GABRA1: variants seen among roughly 807,000 people sequenced by gnomAD.
GABRA1 encodes gamma-aminobutyric acid type A receptor subunit alpha1.
A neutral mutation model predicts 48.9 loss-of-function variants in GABRA1; 9 were observed. The observed-to-expected ratio is 0.18, with a 90% CI of 0.11 to 0.32. GABRA1 has a LOEUF of 0.32. Among genes scored for constraint, GABRA1 ranks in the 10% least tolerant of loss-of-function variants. The probability of loss-of-function intolerance (pLI) is 1.00; values close to 1 mark genes in which losing one functional copy is unlikely to be tolerated. For missense variants in GABRA1, 285 were observed against 553.8 expected, an observed-to-expected ratio of 0.51 and a Z score of 4.87; for synonymous variants, 210 against 198.7, an observed-to-expected ratio of 1.06 and a Z score of -0.48.
In GABRA1 at chr5:161,883,620, A is replaced by G. The variant is rs1332624745; in HGVS notation, c.703+919A>G. On this transcript the variant is annotated intron_variant, in intron 7 of 9. Transcript: ENST00000393943. ...TATTTTTCCAAAATTATGTCTTTCA[A>G]AATTTAAGTTGACTTTATTCACTCT... 7.9e-5 allele frequency among the ~76,000 whole-genome samples: 12 copies of G among 152,298 alleles called. No individual in the cohort carries two copies. The East Asian group carries it at 1.7e-3, about 22-fold the overall frequency.
intron 4 of GABRA1, 178 bp from the exon 5 acceptor site, chr5:161,872,939 C>G (rs1015426020): frequency 4.9e-6 from 3 of 614,868 alleles, no homozygotes; most frequent in Admixed American, 5.7e-5. Flanking sequence ...AATCATTACA[C>G]CAACCAGTGA....
intron 9 of GABRA1, 142 bp from the exon 10 acceptor site, chr5:161,896,969 T>C: frequency 2.8e-6 from 2 of 711,000 alleles, no homozygotes; most frequent in South Asian, 1.8e-5. Flanking sequence ...TTTATTATAA[T>C]AAGACAGGCA....
chr5:161,864,245 C>T (rs1001074245), intron 3 of GABRA1, among the ~76,000 whole-genome samples: 9 of 151,792 alleles, frequency 5.9e-5, no homozygotes, highest in East Asian at 1.9e-4. Context: ...GGTACATGTG[C>T]GCATTGTGCA....
chr5:161,876,543 A>G (rs1490302201), intron 6 of GABRA1, among the ~76,000 whole-genome samples: 7 of 152,184 alleles, frequency 4.6e-5, no homozygotes, highest in Non-Finnish European at 1.0e-4. Context: ...GTGTAGGAAG[A>G]CAGAAAGTAA....
chr5:161,888,668 G>A (rs1399001445), intron 7 of GABRA1, among the ~76,000 whole-genome samples: 1 of 152,006 alleles, frequency 6.6e-6, no homozygotes, highest in Non-Finnish European at 1.5e-5. Flanking sequence ...CCCTGAGATG[G>A]TGAAGTGTAG....
chr5:161,884,374 C>T (rs1035352707), intron 7 of GABRA1, among the ~76,000 whole-genome samples: 1 of 152,056 alleles, frequency 6.6e-6, no homozygotes, highest in Non-Finnish European at 1.5e-5. Flanking sequence ...AGAAATTGAA[C>T]ACATAAACTG....
chr5:161,878,992 G>A (rs1457661645), intron 6 of GABRA1, among the ~76,000 whole-genome samples: 1 of 152,170 alleles, frequency 6.6e-6, no homozygotes, highest in African/African-American at 2.4e-5. Context: ...ACTCATAAAA[G>A]TGAAATGATA....
Position 161,850,773 on chromosome 5 carries a change from T to A in GABRA1, c.-15-23T>A, listed in dbSNP as rs534129599. 36 of 1,593,670 alleles carry A rather than the reference T, an allele frequency of 2.3e-5. No individual in the cohort carries two copies. Among genetic ancestry groups the A allele is most frequent in the East Asian group, 2.2e-4 (10 of 44,766 alleles). On this transcript the variant is annotated intron_variant, in intron 1 of 9. Coordinates refer to ENST00000393943, the MANE Select transcript of GABRA1 (RefSeq NM_001127644.2). ...TGATGTTTCTTGCTAGAGACATTGA[T>A]CTCTACTTATTCTACTTTTCAGCTG...
chr5:161,877,675 A>G (rs1376200236), intron 6 of GABRA1, among the ~76,000 whole-genome samples: 1 of 152,198 alleles, frequency 6.6e-6, no homozygotes, highest in African/African-American at 2.4e-5. Flanking sequence ...GGAAGTAAAT[A>G]TTTTTAATTG....
chr5:161,868,807 C>T (rs1376156718), intron 4 of GABRA1, among the ~76,000 whole-genome samples: 1 of 152,060 alleles, frequency 6.6e-6, no homozygotes, highest in East Asian at 1.9e-4. Context: ...TTCCATAAAC[C>T]AATGTTGGAG....
rs1165669366 is a variant in GABRA1, at chr5:161,898,005, T to C, written c.*583T>C. 1 of 151,552 alleles carries C rather than the reference T, an allele frequency of 6.6e-6. No homozygotes were observed. Among genetic ancestry groups the C allele is most frequent in the Non-Finnish European group, 1.5e-5 (1 of 67,956 alleles). 9.4% of individuals were successfully genotyped at this position (151,552 alleles called of 1,614,324 possible). On this transcript the variant is annotated 3_prime_UTR_variant, in exon 10 of 10. Coordinates refer to ENST00000393943, the MANE Select transcript of GABRA1 (RefSeq NM_001127644.2). Reference sequence around the variant, plus strand: ...TTTCTCTTTGAAAAAAAAAAAGGCCTAATGCATTATTTTGTCATAAAATGC... The same window carrying C: ...TTTCTCTTTGAAAAAAAAAAAGGCCCAATGCATTATTTTGTCATAAAATGC...
chr5:161,854,874 A>G (rs1757587322), intron 3 of GABRA1, among the ~76,000 whole-genome samples: 1 of 151,508 alleles, frequency 6.6e-6, no homozygotes. Flanking sequence ...AGAAGACAGC[A>G]CTTAATAACA....
chr5:161,868,678 G>A (rs764429606), intron 4 of GABRA1, among the ~76,000 whole-genome samples: 2 of 152,090 alleles, frequency 1.3e-5, no homozygotes, highest in African/African-American at 4.8e-5. Context: ...CAGAGTCAAT[G>A]TCCAATAGGA....
intron 7 of GABRA1, among the ~76,000 whole-genome samples, chr5:161,887,663 T>G (rs1754908366): frequency 6.6e-6 from 1 of 152,102 alleles, no homozygotes; most frequent in Admixed American, 6.6e-5. Context: ...AACACCAAGT[T>G]TAGAATACTT....
chr5:161,873,057 G>C (rs943707588), intron 4 of GABRA1, 60 bp from the exon 5 acceptor site: 6 of 1,288,520 alleles, frequency 4.7e-6, no homozygotes, highest in Admixed American at 1.7e-5. Context: ...GTCTGCGTTA[G>C]ATATTTGCAT....
intron 1 of GABRA1, among the ~76,000 whole-genome samples, chr5:161,849,928 G>A (rs1402538030): frequency 6.6e-6 from 1 of 152,174 alleles, no homozygotes; most frequent in Non-Finnish European, 1.5e-5. Context: ...GATGGTGATT[G>A]ATTGCACTTT....
chr5:161,887,821 A>G (rs1754914836), intron 7 of GABRA1, among the ~76,000 whole-genome samples: 1 of 152,110 alleles, frequency 6.6e-6, no homozygotes, highest in South Asian at 2.1e-4. Context: ...GAGTTTTTAA[A>G]AAGTGCTTTC....
intron 4 of GABRA1, among the ~76,000 whole-genome samples, chr5:161,866,461 T>C (rs917539489): frequency 6.6e-6 from 1 of 152,122 alleles, no homozygotes; most frequent in African/African-American, 2.4e-5. Flanking sequence ...AGGTTCTATA[T>C]AAGCAAAACA....
intron 7 of GABRA1, among the ~76,000 whole-genome samples, chr5:161,887,515 G>A (rs1438126701): frequency 6.6e-6 from 1 of 152,020 alleles, no homozygotes; most frequent in Admixed American, 6.6e-5. Flanking sequence ...GTCCCAGAGA[G>A]GCTAAATGAT....
Sources: allele counts gnomAD v4.1 joint callset (sites outside exome capture counted in the v4.1 genomes callset), GRCh38; gene constraint gnomAD v4.1.1; transcripts MANE v1.5; gene names NCBI Gene and HGNC (gene_info 2026-07-23, HGNC 2026-07-21).